The following DVL3 variants were observed in gnomAD, a reference collection of about 807,000 sequenced individuals.
DVL3 encodes segment polarity protein dishevelled homolog DVL-3.
DVL3 carries 27 observed loss-of-function variants against 67.4 expected under a neutral mutation model. That is an observed-to-expected ratio of 0.40 (90% CI 0.30 to 0.55). The LOEUF is 0.55. Ranked by LOEUF, DVL3 falls within the 20% of genes least tolerant of loss-of-function variation. The pLI, the probability that DVL3 is intolerant of heterozygous loss-of-function variation, is 0.46. For missense variants in DVL3, 819 were observed against 1,021.5 expected, an observed-to-expected ratio of 0.80 and a Z score of 2.70; for synonymous variants, 369 against 396.8, an observed-to-expected ratio of 0.93 and a Z score of 0.83.
Position 184,155,492 on chromosome 3 carries a change from C to T in DVL3, c.-144C>T, listed in dbSNP as rs1317729346. 3.0e-6 allele frequency: 1 copy of T among 328,664 alleles called. No individual in the cohort carries two copies. Among genetic ancestry groups the T allele is most frequent in the African/African-American group, 2.3e-5 (1 of 44,098 alleles). The allele number at this position is 328,664 out of a possible 1,614,324, so 20.4% of individuals were successfully genotyped here. On this transcript the variant is annotated 5_prime_UTR_variant, in exon 1 of 15. Transcript: ENST00000313143. The surrounding 1 kb of genome is among the most constrained non-coding windows in gnomAD (Gnocchi z 5.4). Reference sequence around the variant, plus strand: ...GGCGGCGCTGGGACCCGGTAGCGGCCGGAGAACAAGGGAGCTGGCGCCGCC... The same window carrying T: ...GGCGGCGCTGGGACCCGGTAGCGGCTGGAGAACAAGGGAGCTGGCGCCGCC...
rs1299243275 is a variant in DVL3 at position 184,155,830 on chromosome 3, C to T, written c.161+34C>T. The T allele has an allele frequency of 6.3e-7, 1 of 1,577,612 alleles. No individual in the cohort carries two copies. On this transcript the variant is annotated intron_variant, in intron 1 of 14. Coordinates refer to ENST00000313143, the MANE Select transcript of DVL3 (RefSeq NM_004423.4). The surrounding 1 kb of genome is among the most constrained non-coding windows in gnomAD (Gnocchi z 5.4). The stretch of plus-strand genomic sequence containing the variant: ...GGCCCCCGCCCCGCCTCCGGGAGCC[C>T]CGGCCGCTCTGGCTTCTAAGGGATG...
Position 184,167,797 on chromosome 3 carries a change from C to G in DVL3, c.1330+86C>G, listed in dbSNP as rs1188453955. 3 of 1,595,846 alleles carry G rather than the reference C, an allele frequency of 1.9e-6. No individual in the cohort carries two copies. Among genetic ancestry groups the G allele is most frequent in the Non-Finnish European group, 2.6e-6 (3 of 1,170,582 alleles). On this transcript the variant is annotated intron_variant, in intron 12 of 14. Coordinates refer to ENST00000313143, the MANE Select transcript of DVL3 (RefSeq NM_004423.4). The surrounding 1 kb of genome is among the most constrained non-coding windows in gnomAD (Gnocchi z 4.6). ...GAGGGCCCAGGACTTGCCTTGGACC[C>G]TTCCTTTGATCTGGAGCCAGCCCCA...
In DVL3 at chr3:184,170,569, T is replaced by C. The variant is rs1229840797; in HGVS notation, c.1965T>C (p.Pro655=). ...RSHHTHPSYG[P]PGVPPLYGPP... Reference sequence around the variant, plus strand: ...ACCACACACACCCGAGCTACGGTCCTCCCGGAGTGCCCCCTCTCTACGGCC... The same window carrying C: ...ACCACACACACCCGAGCTACGGTCCCCCCGGAGTGCCCCCTCTCTACGGCC... The change falls in exon 15 of 15, where the codon CCT becomes CCC. Residue 655 remains proline (P), a synonymous_variant. Coordinates refer to ENST00000313143, the MANE Select transcript of DVL3 (RefSeq NM_004423.4). This position sits in a 1 kb window ranked among gnomAD's most constrained non-coding sequence, Gnocchi z 6.5. 1 of 1,612,354 alleles carries C rather than the reference T, an allele frequency of 6.2e-7. No individual in the cohort carries two copies. The highest frequency in any genetic ancestry group is 2.2e-5 in the East Asian group (1 of 44,794).
chr3:184,165,404 G>A lies in DVL3; in HGVS notation c.694-18G>A. 6.2e-7 allele frequency: 1 copy of A among 1,613,578 alleles called. No homozygotes were observed. The highest frequency in any genetic ancestry group is 8.5e-7 in the Non-Finnish European group (1 of 1,179,676). Reference sequence around the variant, plus strand: ...CCTGCCACCTCCACCTGCTGCTCAGGGCCTCTGTCTATTCCAGTCCTCGTC... The same window carrying A: ...CCTGCCACCTCCACCTGCTGCTCAGAGCCTCTGTCTATTCCAGTCCTCGTC... On this transcript the variant is annotated intron_variant, in intron 6 of 14. Transcript: ENST00000313143. The surrounding 1 kb of genome is among the most constrained non-coding windows in gnomAD (Gnocchi z 4.1).
Position 184,168,062 on chromosome 3 carries a change from G to A in DVL3, c.1495G>A (p.Gly499Ser), listed in dbSNP as rs565003206. ...QCYYIFGDLCGNMANLSLHDH... is the reference protein window; with the variant it reads ...QCYYIFGDLCSNMANLSLHDH... ...CTACTACATCTTCGGTGACCTCTGC[G>A]GCAGTATGTGCCTCCCTCATCTTCT... The change falls in exon 13 of 15, where the codon GGC becomes AGC. Residue 499 changes from glycine (G) to serine (S), a missense_variant. By Grantham distance (56) the Gly-to-Ser change is moderately conservative. Around this residue, in one of 3 missense-constraint regions of DVL3, gnomAD observed 110 missense variants for 203.4 expected, o/e 0.54. Coordinates refer to ENST00000313143, the MANE Select transcript of DVL3 (RefSeq NM_004423.4). 6.8e-6 allele frequency: 11 copies of A among 1,613,622 alleles called. No homozygotes were observed. Among genetic ancestry groups the A allele is most frequent in the East Asian group, 4.5e-5 (2 of 44,866 alleles).
At position 184,170,348 on chromosome 3, in the gene DVL3, G is replaced by A. The variant is rs935183487; in HGVS notation, c.1744G>A (p.Gly582Ser). 1.2e-6 allele frequency: 2 copies of A among 1,605,162 alleles called. No individual in the cohort carries two copies. Among genetic ancestry groups the A allele is most frequent in the Middle Eastern group, 1.7e-4 (1 of 6,042 alleles). Residue 582 changes from glycine (G) to serine (S), a missense_variant, in exon 15 of 15, where the codon GGC (glycine) becomes AGC (serine). Gly to Ser is a moderately conservative substitution (Grantham distance 56). Transcript: ENST00000313143. The surrounding 1 kb of genome is among the most constrained non-coding windows in gnomAD (Gnocchi z 6.5). ...TCGGAGCAGTGGCTCCAACCGTAGC[G>A]GCAGCGATCGGAGGAAGGAGAAGGA... ...GSRSSGSNRS[G>S]SDRRKEKDPK...
Position 184,170,952 on chromosome 3 carries a change from C to G in DVL3, c.*197C>G. Reference sequence around the variant, plus strand: ...TTGGCTCTGCAGCCCCCTAACCTGCCTCTGGCCCCAGTTCGTTTCCTCTGC... The same window carrying G: ...TTGGCTCTGCAGCCCCCTAACCTGCGTCTGGCCCCAGTTCGTTTCCTCTGC... On this transcript the variant is annotated 3_prime_UTR_variant, in exon 15 of 15. Transcript: ENST00000313143. This position sits in a 1 kb window ranked among gnomAD's most constrained non-coding sequence, Gnocchi z 6.5. 1.3e-6 allele frequency: 2 copies of G among 1,531,280 alleles called. No individual in the cohort carries two copies. The highest frequency in any genetic ancestry group is 2.4e-5 in the South Asian group (2 of 83,080). The allele number at this position is 1,531,280 out of a possible 1,614,324, so 94.9% of individuals were successfully genotyped here. A position where few individuals can be genotyped will look rare whatever the true frequency, so the allele number is the denominator to read the frequency against.
rs1028331728 is a variant in DVL3, at chr3:184,165,534, C to T, written c.763+43C>T. 1 of 1,561,608 alleles carries T rather than the reference C, an allele frequency of 6.4e-7. No individual in the cohort carries two copies. Among genetic ancestry groups the T allele is most frequent in the Non-Finnish European group, 8.8e-7 (1 of 1,132,430 alleles). On this transcript the variant is annotated intron_variant, in intron 7 of 14. Transcript: ENST00000313143. This position sits in a 1 kb window ranked among gnomAD's most constrained non-coding sequence, Gnocchi z 4.1. ...GCACTCTCAAGCACCTGCTATATGC[C>T]AGACACTGGGCAGACTTGAGTTCAG... is the stretch of plus-strand genomic sequence containing the variant.
chr3:184,157,675 T>A (rs1714244878), intron 1 of DVL3, among the ~76,000 whole-genome samples: 1 of 152,378 alleles, frequency 6.6e-6, no homozygotes, highest in South Asian at 2.1e-4. Context: ...AACATAAATA[T>A]TTAATGATTG....
At position 184,167,604 on chromosome 3, in the gene DVL3, T is replaced by G. The variant is rs1409530387; in HGVS notation, c.1223T>G (p.Ile408Ser). Residue 408 changes from isoleucine (I) to serine (S), a missense_variant, in exon 12 of 15, where the codon ATC (isoleucine) becomes AGC (serine). Physicochemically the swap from Ile to Ser is moderately radical, Grantham distance 142. Transcript: ENST00000313143. The surrounding 1 kb of genome is among the most constrained non-coding windows in gnomAD (Gnocchi z 4.6). ...GGCCTAGACGACTTCCACTTGTCCA[T>G]CCACAGTGACATGGCTGCCATCGTA... ...TERLDDFHLS[I>S]HSDMAAIVKA... The G allele has an allele frequency of 6.2e-7, 1 of 1,614,044 alleles. No homozygotes were observed. Among genetic ancestry groups the G allele is most frequent in the Non-Finnish European group, 8.5e-7 (1 of 1,180,022 alleles).
rs764814828 is a variant in DVL3 at position 184,167,729 on chromosome 3, TG to T, written c.1330+21del. On this transcript the variant is annotated intron_variant, in intron 12 of 14. Transcript: ENST00000313143. This position sits in a 1 kb window ranked among gnomAD's most constrained non-coding sequence, Gnocchi z 4.6. The stretch of plus-strand genomic sequence containing the variant: ...TTTCATCGGTGAGAGAGCCCCATGG[TG>T]GGATGCAGGGTGGGTGGGGAGTGAT... 2.7e-6 allele frequency: 4 copies of T among 1,465,890 alleles called. 1 individual carries two copies. The South Asian group carries it at 4.7e-5, about 17-fold the overall frequency. 90.8% of individuals were successfully genotyped at this position (1,465,890 alleles called of 1,614,324 possible). A position where few individuals can be genotyped will look rare whatever the true frequency, so the allele number is the denominator to read the frequency against.
chr3:184,171,096 C>G lies in DVL3; in HGVS notation c.*341C>G, dbSNP rs1714820886. The G allele has an allele frequency of 4.1e-6, 5 of 1,232,936 alleles. No individual in the cohort carries two copies. The highest frequency in any genetic ancestry group is 5.1e-6 in the Non-Finnish European group (5 of 974,222). 76.4% of individuals were successfully genotyped at this position (1,232,936 alleles called of 1,614,324 possible). A position where few individuals can be genotyped will look rare whatever the true frequency, so the allele number is the denominator to read the frequency against. On this transcript the variant is annotated 3_prime_UTR_variant, in exon 15 of 15. Coordinates refer to ENST00000313143, the MANE Select transcript of DVL3 (RefSeq NM_004423.4). ...TTTGGGAGTTGACCCCAGCAATGACCTTGGTGGCACGCTCACTCCCTCATT... is the reference window on the plus strand; with the variant it reads ...TTTGGGAGTTGACCCCAGCAATGACGTTGGTGGCACGCTCACTCCCTCATT...
intron 1 of DVL3, chr3:184,156,965 C>CGA: frequency 6.2e-6 from 1 of 162,538 alleles, no homozygotes; most frequent in South Asian, 1.6e-4. Context: ...AAGCCCCTGG[C>CGA]CCACCTAGCA....
In DVL3 at chr3:184,165,074, C is replaced by T. The variant is rs921252043; in HGVS notation, c.600-39C>T. 16 of 1,613,080 alleles carry T rather than the reference C, an allele frequency of 9.9e-6. No individual in the cohort carries two copies. In the African/African-American group the frequency reaches 1.2e-4, roughly 12 times the overall value. The stretch of plus-strand genomic sequence containing the variant: ...AGTGCCTCCCCTCATGGGGGCAGGG[C>T]TGGGCCAGCCTGGTGGGGAACGACT... On this transcript the variant is annotated intron_variant, in intron 5 of 14. Coordinates refer to ENST00000313143, the MANE Select transcript of DVL3 (RefSeq NM_004423.4). The surrounding 1 kb of genome is among the most constrained non-coding windows in gnomAD (Gnocchi z 4.1).
In DVL3 at chr3:184,170,308, G is replaced by C. The variant is rs776622972; in HGVS notation, c.1715-11G>C. 2.5e-6 allele frequency: 4 copies of C among 1,595,686 alleles called. No homozygotes were observed. The highest frequency in any genetic ancestry group is 1.7e-5 in the Admixed American group (1 of 57,286). ...AGCCTGCCCCACCCCGGCCCTGTTT[G>C]CCTCCTACAGGCAGTCGGAGCAGTG... On this transcript the variant is annotated splice_polypyrimidine_tract_variant and intron_variant, in intron 14 of 14. Transcript: ENST00000313143. This position sits in a 1 kb window ranked among gnomAD's most constrained non-coding sequence, Gnocchi z 6.5.
chr3:184,164,444 A>T lies in DVL3; in HGVS notation c.354-48A>T. The T allele has an allele frequency of 6.3e-7, 1 of 1,596,138 alleles. No individual in the cohort carries two copies. The highest frequency in any genetic ancestry group is 8.5e-7 in the Non-Finnish European group (1 of 1,170,108). On this transcript the variant is annotated intron_variant, in intron 3 of 14. Coordinates refer to ENST00000313143, the MANE Select transcript of DVL3 (RefSeq NM_004423.4). This position sits in a 1 kb window ranked among gnomAD's most constrained non-coding sequence, Gnocchi z 5.3. ...CATCAGTTCAGCCCAGGGCTGGGGG[A>T]GGGAGCCCCCAGCCTGCCCCCTCCC... is the stretch of plus-strand genomic sequence containing the variant.
chr3:184,161,672 T>C (rs1709648), intron 1 of DVL3, among the ~76,000 whole-genome samples: 67,486 of 151,752 alleles, frequency 0.44, 15,411 homozygotes, highest in East Asian at 0.55. Context: ...AACTACATGC[T>C]CCGTGACCAC....
In DVL3 at chr3:184,170,430, C is replaced by T; in HGVS notation, c.1826C>T (p.Thr609Ile). Residue 609 changes from threonine to isoleucine, a missense_variant, in exon 15 of 15, where the codon ACA becomes ATA. Physicochemically the swap from Thr to Ile is moderately conservative, Grantham distance 89 (BLOSUM62 -1). Transcript: ENST00000313143. This position sits in a 1 kb window ranked among gnomAD's most constrained non-coding sequence, Gnocchi z 6.5. ...AGCGGCAGCGAATCGGACCACACCA[C>T]ACGCAGCAGCCTGCGGGGGCCGCGG... The part of the protein sequence containing the change: ...GGSGSESDHT[T>I]RSSLRGPRER... The T allele has an allele frequency of 1.9e-6, 3 of 1,592,908 alleles. No homozygotes were observed. The highest frequency in any genetic ancestry group is 2.6e-6 in the Non-Finnish European group (3 of 1,170,266).
chr3:184,158,021 G>A (rs770610859), intron 1 of DVL3, among the ~76,000 whole-genome samples: 3 of 152,152 alleles, frequency 2.0e-5, no homozygotes, highest in African/African-American at 4.8e-5. Context: ...AATAGATAGC[G>A]TAATAGTATC....
Sources: allele counts gnomAD v4.1 joint callset (sites outside exome capture counted in the v4.1 genomes callset), GRCh38; gene constraint gnomAD v4.1.1; regional missense constraint gnomAD v4.1.1; non-coding constraint Gnocchi (gnomAD v3.1); transcripts MANE v1.5; gene names NCBI Gene and HGNC (gene_info 2026-07-23, HGNC 2026-07-21).